The following PHLPP2 variants were observed in gnomAD, a reference collection of about 807,000 sequenced individuals.
PHLPP2 encodes the protein PH domain leucine-rich repeat-containing protein phosphatase 2.
Under a neutral mutation model 124.9 loss-of-function variants are expected in PHLPP2, and 66 were observed. That is an observed-to-expected ratio of 0.53 (90% CI 0.43 to 0.65). The LOEUF (loss-of-function observed/expected upper bound fraction) is 0.65. Ranked by LOEUF, PHLPP2 falls within the 30% of genes least tolerant of loss-of-function variation. The pLI is 0.00. For missense variants in PHLPP2, 1,685 were observed against 1,600.4 expected (o/e 1.05, Z -0.90); for synonymous variants, 681 against 624.7 (o/e 1.09, Z -1.34).
In PHLPP2 at chr16:71,649,267, T is replaced by C. The variant is rs774882989; in HGVS notation, c.3595A>G (p.Arg1199Gly). The C allele has an allele frequency of 1.2e-6, 2 of 1,613,780 alleles. No individual in the cohort carries two copies. Among genetic ancestry groups the C allele is most frequent in the African/African-American group, 2.7e-5 (2 of 74,894 alleles). ...SPTLCSEEHA[R>G]GSCFGIRRQN... ...CTTCGGATCCCAAAACACGACCCTCTAGCATGTTCCTCAGAACACAGGGTA... is the reference window on the plus strand; with the variant it reads ...CTTCGGATCCCAAAACACGACCCTCCAGCATGTTCCTCAGAACACAGGGTA... Residue 1199 changes from arginine (R) to glycine (G), a missense_variant, in exon 19 of 19, where the codon AGA becomes GGA. By Grantham distance (125) the Arg-to-Gly change is moderately radical (BLOSUM62 -2). Coordinates refer to ENST00000568954, the MANE Select transcript of PHLPP2 (RefSeq NM_015020.3).
rs541398049 is a variant in PHLPP2 at position 71,693,939 on chromosome 16, T to G, written c.419-3230A>C. On this transcript the variant is annotated intron_variant, in intron 3 of 18. Transcript: ENST00000568954. ...CAGGTGTAGTGGCTTACAACTGTAATCCCAGCACTTTGGGAGGCCCGGGCA... is the reference window on the plus strand; with the variant it reads ...CAGGTGTAGTGGCTTACAACTGTAAGCCCAGCACTTTGGGAGGCCCGGGCA... Among the ~76,000 whole-genome samples, 36 of 152,272 alleles carry G rather than the reference T, an allele frequency of 2.4e-4. No individual in the cohort carries two copies. In the South Asian group the frequency reaches 7.2e-3, roughly 31 times the overall value.
At chr16:71,720,221 G>A (rs962151321) in intron 1 of PHLPP2, among the ~76,000 whole-genome samples, 12 of 151,190 alleles carry the variant, frequency 7.9e-5, no homozygotes, top group Admixed American at 4.6e-4. Context: ...CACCAGCCTC[G>A]GCCTCCCAAA....
chr16:71,723,844 G>A (rs1324073780), intron 1 of PHLPP2: 4 of 1,226,986 alleles, frequency 3.3e-6, no homozygotes, highest in Non-Finnish European at 4.1e-6. Flanking sequence ...GCGGGCCCGC[G>A]GGCCCCGGCT....
chr16:71,668,078 C>G (rs537589625), intron 11 of PHLPP2, among the ~76,000 whole-genome samples: 1 of 152,204 alleles, frequency 6.6e-6, no homozygotes, highest in South Asian at 2.1e-4. Flanking sequence ...CAAATTTCTT[C>G]TGATTTTCTC....
At chr16:71,714,066 A>G (rs957593522) in intron 2 of PHLPP2, among the ~76,000 whole-genome samples, 9 of 151,102 alleles carry the variant, frequency 6.0e-5, no homozygotes, top group African/African-American at 2.2e-4. Flanking sequence ...CAGCCTCCTG[A>G]CTAGCTGGGA....
intron 9 of PHLPP2, among the ~76,000 whole-genome samples, chr16:71,674,402 G>T (rs1047529828): frequency 2.8e-5 from 4 of 141,436 alleles, no homozygotes; most frequent in Admixed American, 7.2e-5. Flanking sequence ...TTTTTTTAAA[G>T]AATTAAAATA....
At chr16:71,679,283 C>T (rs1466550149) in intron 7 of PHLPP2, 106 bp downstream of exon 7, 15 of 988,810 alleles carry the variant, frequency 1.5e-5, no homozygotes, top group Non-Finnish European at 2.2e-5. Context: ...CTAAGTAGTA[C>T]ATGATATAGT....
intron 1 of PHLPP2, chr16:71,724,005 T>A: frequency 4.9e-6 from 1 of 202,030 alleles, no homozygotes; most frequent in Non-Finnish European, 8.7e-6. Flanking sequence ...GCTCCGCCCC[T>A]CCCGCAGCCC....
intron 6 of PHLPP2, among the ~76,000 whole-genome samples, chr16:71,681,191 G>A (rs1049561344): frequency 6.6e-6 from 1 of 152,086 alleles, no homozygotes; most frequent in South Asian, 2.1e-4. Context: ...CCATTTTTAA[G>A]TGGAGGAATG....
chr16:71,723,626 A>C, intron 1 of PHLPP2: 1 of 346,354 alleles, frequency 2.9e-6, no homozygotes, highest in Non-Finnish European at 4.9e-6. Flanking sequence ...CGGCCGACTG[A>C]CTGACGCCGG....
At chr16:71,670,285 G>A (rs757722600) in intron 10 of PHLPP2, among the ~76,000 whole-genome samples, 9 of 152,152 alleles carry the variant, frequency 5.9e-5, no homozygotes, top group African/African-American at 1.4e-4. Context: ...ATGAGGTCAC[G>A]TCCAATGAAG....
chr16:71,716,531 T>G (rs746908891), intron 1 of PHLPP2, among the ~76,000 whole-genome samples: 1 of 152,254 alleles, frequency 6.6e-6, no homozygotes, highest in Admixed American at 6.5e-5. Flanking sequence ...TCTATTTTTA[T>G]GATGGGCTAT....
At chr16:71,674,784 G>T (rs1460226647) in intron 9 of PHLPP2, among the ~76,000 whole-genome samples, 2 of 152,158 alleles carry the variant, frequency 1.3e-5, no homozygotes, top group African/African-American at 2.4e-5. Flanking sequence ...CTAACTAGAG[G>T]TTAGGAGTTC....
chr16:71,679,372 T>G lies in PHLPP2; in HGVS notation c.1037+17A>C, dbSNP rs772806958. 2.5e-6 allele frequency: 4 copies of G among 1,609,710 alleles called. No individual in the cohort carries two copies. The Admixed American group carries it at 6.7e-5, about 27-fold the overall frequency. On this transcript the variant is annotated intron_variant, in intron 7 of 18. Transcript: ENST00000568954. The stretch of plus-strand genomic sequence containing the variant: ...TATTCTGCAAGGGAAAAGAGGAATC[T>G]AGTAAAAGTTACTTACTTTAGCAGA...
Position 71,678,763 on chromosome 16 carries a change from C to G in PHLPP2, c.1260G>C (p.Val420=). The G allele has an allele frequency of 6.4e-7, 1 of 1,567,936 alleles. No homozygotes were observed. Among genetic ancestry groups the G allele is most frequent in the Non-Finnish European group, 8.8e-7 (1 of 1,138,122 alleles). The change falls in exon 8 of 19, where the codon GTG becomes GTC. Residue 420 remains valine, a synonymous_variant. Transcript: ENST00000568954. ...GTAAAGAATAACCTTACCTTAAATC[C>G]ACATGCTTGATATGGTTCATCCTAT... ...VLNRMNHIKH[V]DLRMNHLKTM... is the part of the protein sequence containing the mutation.
At chr16:71,658,916 T>A in intron 13 of PHLPP2, 101 bp from the exon 14 acceptor site, 1 of 980,272 alleles carries the variant, frequency 1.0e-6, no homozygotes, top group Non-Finnish European at 1.5e-6. Flanking sequence ...GCCGACACGG[T>A]CCACTGCCAG....
At chr16:71,712,987 G>A (rs1236811587) in intron 2 of PHLPP2, among the ~76,000 whole-genome samples, 1 of 152,094 alleles carries the variant, frequency 6.6e-6, no homozygotes, top group African/African-American at 2.4e-5. Flanking sequence ...AACTAACAGC[G>A]ATTTTCTTTA....
At chr16:71,689,495 C>T (rs959330417) in intron 4 of PHLPP2, among the ~76,000 whole-genome samples, 8 of 150,442 alleles carry the variant, frequency 5.3e-5, no homozygotes, top group Admixed American at 1.3e-4. Flanking sequence ...CAGGTTCAAG[C>T]GATTCTCCTG....
chr16:71,718,564 T>C (rs2045378397), intron 1 of PHLPP2, among the ~76,000 whole-genome samples: 1 of 145,044 alleles, frequency 6.9e-6, no homozygotes, highest in African/African-American at 2.6e-5. Context: ...TGGGTGACAG[T>C]GCAAGACTCT....
Sources: gnomAD v4.1 joint callset for allele counts (sites outside exome capture counted in the v4.1 genomes callset) on GRCh38, gnomAD v4.1.1 for gene constraint, MANE v1.5 for transcripts, NCBI Gene and HGNC (gene_info 2026-07-23, HGNC 2026-07-21) for gene names.